RPGRIP1L: variants seen among roughly 807,000 people sequenced by gnomAD.
The protein encoded by RPGRIP1L is protein fantom.
Under a neutral mutation model 160.4 loss-of-function variants are expected in RPGRIP1L, and 131 were observed. That is an observed-to-expected ratio of 0.82 (90% CI 0.71 to 0.94). RPGRIP1L has a LOEUF of 0.94. Ranked by LOEUF, RPGRIP1L falls within the 40% of genes least tolerant of loss-of-function variation. The pLI, the probability that RPGRIP1L is intolerant of heterozygous loss-of-function variation, is 0.00. For missense variants in RPGRIP1L, 1,522 were observed against 1,535.8 expected (o/e 0.99, Z 0.15); for synonymous variants, 510 against 515.8 (o/e 0.99, Z 0.15).
chr16:53,672,035 T>C (rs1282536122), intron 8 of RPGRIP1L, among the ~76,000 whole-genome samples: 2 of 152,158 alleles, frequency 1.3e-5, no homozygotes, highest in African/African-American at 4.8e-5. Flanking sequence ...CAATTTACTC[T>C]GAAGATACAA....
intron 1 of RPGRIP1L, among the ~76,000 whole-genome samples, chr16:53,702,535 A>AC (rs772943493): frequency 6.6e-6 from 1 of 151,534 alleles, no homozygotes; most frequent in Non-Finnish European, 1.5e-5. Context: ...CTTTCCTCGA[A>AC]CCCCCCATAC....
chr16:53,632,579 G>C (rs560287463), intron 22 of RPGRIP1L, among the ~76,000 whole-genome samples: 1 of 152,186 alleles, frequency 6.6e-6, no homozygotes, highest in South Asian at 2.1e-4. Context: ...ATGAATGGGT[G>C]ATCTTCTATC....
At chr16:53,602,729 A>G (rs1397727223) in intron 26 of RPGRIP1L, among the ~76,000 whole-genome samples, 3 of 151,664 alleles carry the variant, frequency 2.0e-5, no homozygotes, top group African/African-American at 7.3e-5. Flanking sequence ...AGCCGAGATC[A>G]TGCCACTGCA....
intron 4 of RPGRIP1L, 96 bp downstream of exon 4, chr16:53,691,970 A>T: frequency 8.7e-7 from 1 of 1,149,668 alleles, no homozygotes; most frequent in Non-Finnish European, 1.3e-6. Flanking sequence ...AAGACACTTA[A>T]AAGCATGCGT....
Position 53,658,844 on chromosome 16 carries a change from T to C in RPGRIP1L, c.1278A>G (p.Glu426=). Residue 426 remains glutamate (E), a synonymous_variant, in exon 11 of 27, where the codon GAA becomes GAG. Transcript: ENST00000647211. ...QNEKLVQENR[E]LQLQYLEQKQ... ...TTTGTTCCAGATACTGTAACTGTAG[T>C]TCTCTATTCTCTTGAACGAGTTTTT... 1.9e-6 allele frequency: 3 copies of C among 1,606,436 alleles called. No homozygotes were observed. The highest frequency in any genetic ancestry group is 2.6e-6 in the Non-Finnish European group (3 of 1,174,832).
At chr16:53,661,815 A>G (rs1183867420) in intron 10 of RPGRIP1L, among the ~76,000 whole-genome samples, 1 of 152,128 alleles carries the variant, frequency 6.6e-6, no homozygotes, top group Non-Finnish European at 1.5e-5. Context: ...ATTCACTGAT[A>G]TTTTTTAAAC....
rs2151127604 is a variant in RPGRIP1L, at chr16:53,652,872, A to G, written c.1815T>C (p.Asn605=). ...CTTTGTTGATATGGATTTCAAATAG[A>G]TTTTCGCCTCGTTCTAAGTGGATGG... ...DETIHLERGE[N]LFEIHINKVT... The change falls in exon 15 of 27, where the codon AAT becomes AAC. Residue 605 remains asparagine (N), a synonymous_variant. Transcript: ENST00000647211. 2 of 1,612,656 alleles carry G rather than the reference A, an allele frequency of 1.2e-6. No homozygotes were observed. Among genetic ancestry groups the G allele is most frequent in the Non-Finnish European group, 1.7e-6 (2 of 1,179,478 alleles).
At chr16:53,654,411 A>T (rs928588670) in intron 14 of RPGRIP1L, among the ~76,000 whole-genome samples, 8 of 152,126 alleles carry the variant, frequency 5.3e-5, no homozygotes, top group African/African-American at 1.7e-4. Flanking sequence ...TCCCTGCTTT[A>T]CTTACTGCCT....
chr16:53,677,404 G>T (rs567695987), intron 6 of RPGRIP1L, among the ~76,000 whole-genome samples: 2 of 151,986 alleles, frequency 1.3e-5, no homozygotes, highest in African/African-American at 2.4e-5. Context: ...TTACTTTTAC[G>T]TATCAGTTTT....
At chr16:53,655,282 CTTTAA>C (rs1230890318) in intron 14 of RPGRIP1L, among the ~76,000 whole-genome samples, 2 of 152,050 alleles carry the variant, frequency 1.3e-5, no homozygotes, top group South Asian at 2.1e-4. Flanking sequence ...AAAAAAGGTA[CTTTAA>C]TTTATGTTAA....
rs534575920 is a variant in RPGRIP1L at position 53,603,234 on chromosome 16, C to T, written c.3836-1046G>A. On this transcript the variant is annotated intron_variant, in intron 26 of 26. Transcript: ENST00000647211. Reference sequence around the variant, plus strand: ...GCCGATTCAATACCTGAGACTCCATCCCTCTGTGGACAATGATAATGGCTA... The same window carrying T: ...GCCGATTCAATACCTGAGACTCCATTCCTCTGTGGACAATGATAATGGCTA... Among the ~76,000 whole-genome samples the T allele has an allele frequency of 5.9e-5, 9 of 152,346 alleles. No individual in the cohort carries two copies. In the South Asian group the frequency reaches 1.9e-3, roughly 32 times the overall value.
At chr16:53,626,177 GA>G (rs1414377054) in intron 22 of RPGRIP1L, among the ~76,000 whole-genome samples, 1 of 144,734 alleles carries the variant, frequency 6.9e-6, no homozygotes, top group Non-Finnish European at 1.5e-5. Context: ...AAGAAAATGG[GA>G]AAAAGTCTCA....
Position 53,641,099 on chromosome 16 carries a change from T to C in RPGRIP1L, c.2892A>G (p.Pro964=). ...STLVLAPRPK[P]RQRLTPVDKK... Reference sequence around the variant, plus strand: ...TATCTACAGGTGTTAAACGTTGTCTTGGTTTAGGTCTTGGTGCCTAAGACA... The same window carrying C: ...TATCTACAGGTGTTAAACGTTGTCTCGGTTTAGGTCTTGGTGCCTAAGACA... The change falls in exon 19 of 27, where the codon CCA becomes CCG. Residue 964 remains proline, a synonymous_variant. Transcript: ENST00000647211. 1 of 1,613,898 alleles carries C rather than the reference T, an allele frequency of 6.2e-7. No individual in the cohort carries two copies. The highest frequency in any genetic ancestry group is 8.5e-7 in the Non-Finnish European group (1 of 1,179,820).
chr16:53,650,252 C>T (rs1272807248), intron 15 of RPGRIP1L, among the ~76,000 whole-genome samples: 4 of 152,132 alleles, frequency 2.6e-5, no homozygotes, highest in African/African-American at 4.8e-5. Context: ...CTCGCTCCCA[C>T]CCTCTAACCT....
At chr16:53,684,844 A>G (rs2151308838) in intron 6 of RPGRIP1L, among the ~76,000 whole-genome samples, 2 of 152,284 alleles carry the variant, frequency 1.3e-5, no homozygotes, top group South Asian at 4.1e-4. Flanking sequence ...AATTGCAGCA[A>G]AAGCAAAATT....
chr16:53,602,123 C>T lies in RPGRIP1L; in HGVS notation c.3901G>A (p.Ala1301Thr), dbSNP rs1446259139. Residue 1301 changes from alanine (A) to threonine (T), a missense_variant, in exon 27 of 27, where the codon GCC becomes ACC. Ala to Thr is a moderately conservative substitution (Grantham distance 58). Transcript: ENST00000647211. ...KLRVTVEALH[A>T]LQSVYKQYRD... ...TATTGCTTGTAGACAGACTGGAGGGCATGGAGAGCTTCGACTGTTACCCTG... is the reference window on the plus strand; with the variant it reads ...TATTGCTTGTAGACAGACTGGAGGGTATGGAGAGCTTCGACTGTTACCCTG... 3 of 1,613,840 alleles carry T rather than the reference C, an allele frequency of 1.9e-6. No individual in the cohort carries two copies. The African/African-American group carries it at 4.0e-5, about 22-fold the overall frequency.
chr16:53,633,066 T>C (rs148031327), intron 22 of RPGRIP1L, among the ~76,000 whole-genome samples: 5 of 152,332 alleles, frequency 3.3e-5, no homozygotes, highest in African/African-American at 1.2e-4. Context: ...GAGGAAATAT[T>C]AACATAGGAT....
At chr16:53,617,688 C>A (rs1964466371) in intron 24 of RPGRIP1L, among the ~76,000 whole-genome samples, 1 of 152,032 alleles carries the variant, frequency 6.6e-6, no homozygotes, top group Non-Finnish European at 1.5e-5. Context: ...GTTCACATAA[C>A]AGTAAAAATT....
intron 22 of RPGRIP1L, among the ~76,000 whole-genome samples, chr16:53,623,258 G>A (rs536883906): frequency 3.6e-4 from 55 of 152,324 alleles, no homozygotes; most frequent in African/African-American, 1.3e-3. Context: ...TAAGAGATTT[G>A]AGAGCGAACT....
Sources: gnomAD v4.1 joint callset for allele counts (sites outside exome capture counted in the v4.1 genomes callset) on GRCh38, gnomAD v4.1.1 for gene constraint, MANE v1.5 for transcripts, NCBI Gene and HGNC (gene_info 2026-07-23, HGNC 2026-07-21) for gene names.